Variants in USH2A observed in about 807,000 individuals in gnomAD.
The protein encoded by USH2A is Usher syndrome 2A (autosomal recessive, mild).
USH2A carries 443 observed loss-of-function variants against 538.9 expected under a neutral mutation model. That is an observed-to-expected ratio of 0.82 (90% confidence interval 0.76 to 0.89). USH2A has a LOEUF of 0.89. Ranked by LOEUF, USH2A falls within the 40% of genes least tolerant of loss-of-function variation. USH2A has a pLI of 0.00. For synonymous variants in USH2A, 2,413 were observed against 2,273.5 expected (o/e 1.06, Z -1.75); for missense variants, 6,633 against 6,324.8 (o/e 1.05, Z -1.65).
rs965950047 is a variant in USH2A, at chr1:216,052,043, T to C, written c.6050-3396A>G. ...AGTGTTTTATTTAATGTTTCTTGTC[T>C]TCACTAAAGGAGTTACGTTGTGTAT... On this transcript the variant is annotated intron_variant, in intron 30 of 71. Transcript: ENST00000307340. Among the ~76,000 whole-genome samples the C allele has an allele frequency of 1.3e-5, 2 of 152,306 alleles. 1 individual carries two copies. Among genetic ancestry groups the C allele is most frequent in the Middle Eastern group, 6.8e-3 (2 of 294 alleles).
At chr1:216,024,833 G>A (rs1259925422) in intron 32 of USH2A, among the ~76,000 whole-genome samples, 1 of 151,896 alleles carries the variant, frequency 6.6e-6, no homozygotes, top group African/African-American at 2.4e-5. Context: ...CAGATGCCAT[G>A]TTTTATCTGA....
At chr1:216,363,932 A>G (rs1324738712) in intron 4 of USH2A, among the ~76,000 whole-genome samples, 1 of 151,728 alleles carries the variant, frequency 6.6e-6, no homozygotes, top group Admixed American at 6.6e-5. Flanking sequence ...AAAAATCTGT[A>G]GGAGTATAAA....
At chr1:216,276,857 T>G (rs559101491) in intron 11 of USH2A, among the ~76,000 whole-genome samples, 2 of 152,142 alleles carry the variant, frequency 1.3e-5, no homozygotes, top group Non-Finnish European at 2.9e-5. Flanking sequence ...TTCAATCATC[T>G]CCCACCAGGT....
intron 9 of USH2A, among the ~76,000 whole-genome samples, chr1:216,318,738 A>G (rs145661995): frequency 0.013 from 2,029 of 152,318 alleles, 20 homozygotes; most frequent in Non-Finnish European, 0.018. Context: ...TAAGGTCTAA[A>G]TAAGAAGCAT....
chr1:215,978,187 T>A (rs1393812962), intron 35 of USH2A, among the ~76,000 whole-genome samples: 1 of 152,176 alleles, frequency 6.6e-6, no homozygotes, highest in African/African-American at 2.4e-5. Context: ...GGTACATGCT[T>A]TTATGCATTA....
At chr1:215,960,575 C>G (rs1295591438) in intron 37 of USH2A, among the ~76,000 whole-genome samples, 1 of 151,878 alleles carries the variant, frequency 6.6e-6, no homozygotes, top group East Asian at 1.9e-4. Flanking sequence ...ACTTGCACAC[C>G]CTAGAAAAAC....
intron 32 of USH2A, among the ~76,000 whole-genome samples, chr1:216,031,791 C>T (rs1198807097): frequency 6.6e-6 from 1 of 152,176 alleles, no homozygotes. Context: ...ATTACTTACC[C>T]AGGGTGCACA....
At chr1:215,810,881 T>C (rs1294600458) in intron 49 of USH2A, among the ~76,000 whole-genome samples, 3 of 152,204 alleles carry the variant, frequency 2.0e-5, no homozygotes, top group African/African-American at 7.2e-5. Flanking sequence ...TTATTCAATT[T>C]TGAAATATTT....
intron 4 of USH2A, among the ~76,000 whole-genome samples, chr1:216,334,751 T>C: frequency 6.6e-6 from 1 of 151,804 alleles, no homozygotes; most frequent in East Asian, 1.9e-4. Flanking sequence ...AAGATATCAA[T>C]CCATCAGGAA....
intron 64 of USH2A, 82 bp from the exon 65 acceptor site, chr1:215,650,883 A>C (rs1657054462): frequency 6.6e-6 from 10 of 1,524,852 alleles, no homozygotes; most frequent in Non-Finnish European, 8.0e-6. Context: ...AGGAAAAAAA[A>C]CGAAATTGGC....
At chr1:215,698,477 C>T (rs1245197459) in intron 61 of USH2A, among the ~76,000 whole-genome samples, 1 of 152,194 alleles carries the variant, frequency 6.6e-6, no homozygotes, top group East Asian at 1.9e-4. Context: ...ACATCCTCTC[C>T]AGCATCTGTT....
intron 3 of USH2A, among the ~76,000 whole-genome samples, chr1:216,403,254 A>G (rs55994229): frequency 0.034 from 5,250 of 152,220 alleles, 126 homozygotes; most frequent in Middle Eastern, 0.078. Context: ...CCAAGAAATT[A>G]GGAATAGAGA....
At chr1:216,226,606 C>G (rs1277596802) in intron 14 of USH2A, among the ~76,000 whole-genome samples, 1 of 152,208 alleles carries the variant, frequency 6.6e-6, no homozygotes, top group East Asian at 1.9e-4. Flanking sequence ...ACATTCCTGA[C>G]TTCTTCATTG....
intron 50 of USH2A, 46 bp downstream of exon 50, chr1:215,798,861 C>T: frequency 6.2e-7 from 1 of 1,609,714 alleles, no homozygotes; most frequent in South Asian, 1.1e-5. Flanking sequence ...ACTCTCTCTG[C>T]TTCTCAGATC....
intron 23 of USH2A, 52 bp from the exon 24 acceptor site, chr1:216,086,872 C>T: frequency 4.3e-6 from 6 of 1,391,804 alleles, no homozygotes; most frequent in Non-Finnish European, 6.1e-6. Flanking sequence ...TCTAGTTTTA[C>T]TAGCTCAGCA....
chr1:215,840,785 C>T (rs1663657022), intron 46 of USH2A, among the ~76,000 whole-genome samples: 1 of 152,140 alleles, frequency 6.6e-6, no homozygotes, highest in African/African-American at 2.4e-5. Context: ...TCAGCTTTCC[C>T]GAACACTGGT....
rs537892012 is a variant in USH2A at position 216,050,543 on chromosome 1, C to T, written c.6050-1896G>A. ...ACTCAGTTTCTGCCTCTACATGCTA[C>T]TAGACAATTTGTATCTTTTTCTTTC... On this transcript the variant is annotated intron_variant, in intron 30 of 71. Coordinates refer to ENST00000307340, the MANE Select transcript of USH2A (RefSeq NM_206933.4). Among the ~76,000 whole-genome samples the T allele has an allele frequency of 1.1e-4, 14 of 127,946 alleles. 1 individual carries two copies. Among genetic ancestry groups the T allele is most frequent in the Admixed American group, 9.8e-4 (13 of 13,232 alleles). 83.9% of individuals were successfully genotyped at this position (127,946 alleles called of 152,430 possible).
intron 3 of USH2A, among the ~76,000 whole-genome samples, chr1:216,365,679 A>T (rs1224019787): frequency 2.0e-5 from 3 of 150,662 alleles, no homozygotes; most frequent in African/African-American, 4.9e-5. Flanking sequence ...GGGATTAGCA[A>T]TTTTTTTTTT....
chr1:215,703,232 G>A (rs529344106), intron 61 of USH2A, among the ~76,000 whole-genome samples: 2 of 152,252 alleles, frequency 1.3e-5, no homozygotes, highest in Admixed American at 1.3e-4. Flanking sequence ...GAGCTCTCCT[G>A]TATGAGATGT....
Sources: gnomAD v4.1 joint callset for allele counts (sites outside exome capture counted in the v4.1 genomes callset) on GRCh38, gnomAD v4.1.1 for gene constraint, MANE v1.5 for transcripts, NCBI Gene and HGNC (gene_info 2026-07-23, HGNC 2026-07-21) for gene names.